Variants in BAZ1B observed in about 807,000 individuals in gnomAD.
BAZ1B encodes the protein bromodomain adjacent to zinc finger domain 1B, also known as tyrosine-protein kinase BAZ1B.
Under a neutral mutation model 153.8 loss-of-function variants are expected in BAZ1B, and 22 were observed. The observed-to-expected ratio is 0.14, with a 90% CI of 0.10 to 0.20. The LOEUF is 0.20. BAZ1B is among the 10% of genes least tolerant of loss of function. BAZ1B has a pLI of 1.00. For missense variants in BAZ1B, 1,325 were observed against 1,799.3 expected (o/e 0.74, Z 4.77); for synonymous variants, 676 against 633.4 (o/e 1.07, Z -1.01).
chr7:73,459,424 C>G, intron 13 of BAZ1B, 112 bp downstream of exon 13: 1 of 1,056,292 alleles, frequency 9.5e-7, no homozygotes, highest in East Asian at 2.4e-5. Flanking sequence ...CACAAAAACA[C>G]TCACTCAGGG....
chr7:73,462,001 A>C (rs1788412759), intron 12 of BAZ1B, among the ~76,000 whole-genome samples: 1 of 152,242 alleles, frequency 6.6e-6, no homozygotes, highest in South Asian at 2.1e-4. Context: ...TGCTGGGCTC[A>C]AGCAATCCTC....
Position 73,477,115 on chromosome 7 carries a change from A to G in BAZ1B, c.2346T>C (p.Ala782=). 6.2e-7 allele frequency: 1 copy of G among 1,614,052 alleles called. No homozygotes were observed. The highest frequency in any genetic ancestry group is 1.3e-5 in the African/African-American group (1 of 75,006). Reference sequence around the variant, plus strand: ...TCTTATCATTTTCTTCCTTCAACACAGCAAGCCGTTCCTTCCACAACTCTG... The same window carrying G: ...TCTTATCATTTTCTTCCTTCAACACGGCAAGCCGTTCCTTCCACAACTCTG... ...MSAELWKERL[A]VLKEENDKKR... is the part of the protein sequence containing the mutation. Residue 782 remains alanine (A), a synonymous_variant, in exon 7 of 20, where the codon GCT becomes GCC. Coordinates refer to ENST00000339594, the MANE Select transcript of BAZ1B (RefSeq NM_032408.4). This position sits in a 1 kb window ranked among gnomAD's most constrained non-coding sequence, Gnocchi z 5.6.
At position 73,510,804 on chromosome 7, in the gene BAZ1B, G is replaced by A. The variant is rs782348128; in HGVS notation, c.156C>T (p.Cys52=). Reference sequence around the variant, plus strand: ...TTAGCTGACTGCTTCCAGTACTCTTGCACGTCCAAATGCGCTCACTGTACC... The same window carrying A: ...TTAGCTGACTGCTTCCAGTACTCTTACACGTCCAAATGCGCTCACTGTACC... ...LERYSERIWT[C]KSTGSSQLTH... is the part of the protein sequence containing the mutation. The change falls in exon 2 of 20, where the codon TGC becomes TGT. Residue 52 remains cysteine, a synonymous_variant. Transcript: ENST00000339594. The A allele has an allele frequency of 5.6e-6, 9 of 1,614,048 alleles. No homozygotes were observed. Among genetic ancestry groups the A allele is most frequent in the Non-Finnish European group, 1.7e-6 (2 of 1,180,030 alleles).
intron 7 of BAZ1B, among the ~76,000 whole-genome samples, chr7:73,474,177 A>C (rs1345416578): frequency 1.3e-5 from 2 of 152,168 alleles, no homozygotes; most frequent in Non-Finnish European, 2.9e-5. Flanking sequence ...AAGGCCATTC[A>C]ATGGGGAAAG....
In BAZ1B at chr7:73,473,507, C is replaced by T. The variant is rs573281744; in HGVS notation, c.2594-3024G>A. Among the ~76,000 whole-genome samples, 4 of 152,068 alleles carry T rather than the reference C, an allele frequency of 2.6e-5. No homozygotes were observed. In the South Asian group the frequency reaches 8.3e-4, roughly 32 times the overall value. ...AGGTGGAGGTTGCAGTGAGCCAGAT[C>T]GCACCATTGCACTCCAGCCTGAGCG... is the stretch of plus-strand genomic sequence containing the variant. On this transcript the variant is annotated intron_variant, in intron 7 of 19. Transcript: ENST00000339594.
chr7:73,445,405 T>TA (rs1787794985), intron 16 of BAZ1B, among the ~76,000 whole-genome samples: 2 of 152,110 alleles, frequency 1.3e-5, no homozygotes, highest in Non-Finnish European at 2.9e-5. Flanking sequence ...GTCTGAAAGA[T>TA]AGAGTTGACA....
At chr7:73,507,344 T>TA (rs1413827859) in intron 3 of BAZ1B, 1 of 152,156 alleles carries the variant, frequency 6.6e-6, no homozygotes, top group African/African-American at 2.4e-5. Context: ...GTTTAGGAGT[T>TA]AGAGACCAGC....
intron 1 of BAZ1B, 49 bp from the exon 2 acceptor site, chr7:73,510,901 AACCCAT>A (rs1161643396): frequency 6.9e-7 from 1 of 1,456,836 alleles, no homozygotes; most frequent in Non-Finnish European, 9.6e-7. Context: ...AGAGACGACA[AACCCAT>A]ACCCATAAGA....
At chr7:73,490,156 C>T (rs1583927928) in intron 5 of BAZ1B, among the ~76,000 whole-genome samples, 1 of 152,286 alleles carries the variant, frequency 6.6e-6, no homozygotes, top group South Asian at 2.1e-4. Flanking sequence ...CCTCACCACA[C>T]ACTTAATGAA....
chr7:73,510,646 C>T, intron 2 of BAZ1B, 90 bp downstream of exon 2: 2 of 1,292,094 alleles, frequency 1.5e-6, no homozygotes, highest in Non-Finnish European at 1.1e-6. Flanking sequence ...GCCCCATAAA[C>T]TTAAATACAC....
chr7:73,499,317 G>A (rs1215710744), intron 3 of BAZ1B, among the ~76,000 whole-genome samples: 1 of 151,892 alleles, frequency 6.6e-6, no homozygotes, highest in South Asian at 2.1e-4. Flanking sequence ...CGTGAGCCAC[G>A]GTGCCTGGCC....
Position 73,477,900 on chromosome 7 carries a change from G to T in BAZ1B, c.1561C>A (p.Leu521Ile), listed in dbSNP as rs1245415985. Residue 521 changes from leucine (L) to isoleucine (I), a missense_variant, in exon 7 of 20, where the codon CTT (leucine) becomes ATT (isoleucine). This residue lies in a region of BAZ1B where 154 missense variants were observed against 266.3 expected (regional missense o/e 0.58). Transcript: ENST00000339594. The surrounding 1 kb of genome is among the most constrained non-coding windows in gnomAD (Gnocchi z 5.6). ...RARLPEELRS[L>I]VQKRYELLEH... The stretch of plus-strand genomic sequence containing the variant: ...AGAAGTTCATAGCGTTTTTGAACAA[G>T]ACTTCGCAATTCTTCTGGGAGACGA... 1 of 1,614,032 alleles carries T rather than the reference G, an allele frequency of 6.2e-7. No individual in the cohort carries two copies. Among genetic ancestry groups the T allele is most frequent in the Non-Finnish European group, 8.5e-7 (1 of 1,180,050 alleles).
intron 13 of BAZ1B, among the ~76,000 whole-genome samples, chr7:73,452,646 C>T (rs1250486889): frequency 1.3e-5 from 2 of 150,300 alleles, no homozygotes; most frequent in Non-Finnish European, 3.0e-5. Context: ...TGCTTGAACC[C>T]GGGAGGCGGA....
At chr7:73,451,380 T>A (rs1188283351) in intron 13 of BAZ1B, among the ~76,000 whole-genome samples, 5 of 152,196 alleles carry the variant, frequency 3.3e-5, no homozygotes, top group African/African-American at 1.2e-4. Flanking sequence ...ACAGCTGGAT[T>A]TCAATGCCCT....
intron 13 of BAZ1B, among the ~76,000 whole-genome samples, chr7:73,453,307 A>G (rs1263769832): frequency 6.6e-6 from 1 of 152,262 alleles, no homozygotes; most frequent in African/African-American, 2.4e-5. Flanking sequence ...CCATTTATGT[A>G]CTGTGTCTGG....
intron 6 of BAZ1B, among the ~76,000 whole-genome samples, chr7:73,488,557 C>G (rs1789508947): frequency 6.6e-6 from 1 of 151,862 alleles, no homozygotes; most frequent in Non-Finnish European, 1.5e-5. Flanking sequence ...CACGGCAAAA[C>G]CCCATCTCTA....
chr7:73,508,568 C>T (rs1193769921), intron 2 of BAZ1B, 97 bp from the exon 3 acceptor site: 1 of 1,335,862 alleles, frequency 7.5e-7, no homozygotes, highest in Non-Finnish European at 1.0e-6. Context: ...CTTTTCCAAA[C>T]ATTTCAAACA....
intron 19 of BAZ1B, 116 bp from the exon 20 acceptor site, chr7:73,441,809 C>T (rs1292648068): frequency 1.2e-5 from 3 of 242,724 alleles, no homozygotes; most frequent in Middle Eastern, 1.3e-3. Context: ...CTGATTACCC[C>T]GATCCTGCTA....
chr7:73,470,528 T>C (rs1247915809), intron 7 of BAZ1B, 45 bp from the exon 8 acceptor site: 1 of 1,597,836 alleles, frequency 6.3e-7, no homozygotes, highest in Non-Finnish European at 8.5e-7. Flanking sequence ...TCCTAGTAAA[T>C]CCCACTCTTA....
Sources: gnomAD v4.1 joint callset for allele counts (sites outside exome capture counted in the v4.1 genomes callset) on GRCh38, gnomAD v4.1.1 for gene constraint, gnomAD v4.1.1 regional missense constraint, Gnocchi (gnomAD v3.1) non-coding constraint, MANE v1.5 for transcripts, NCBI Gene and HGNC (gene_info 2026-07-23, HGNC 2026-07-21) for gene names.